Variants in XPO7 observed in about 807,000 individuals in gnomAD.
XPO7 encodes the protein exportin 7.
Under a neutral mutation model 144.3 loss-of-function variants are expected in XPO7, and 21 were observed. The observed-to-expected ratio is 0.15, with a 90% CI of 0.10 to 0.21. The LOEUF (loss-of-function observed/expected upper bound fraction) is 0.21, where lower values mean the gene tolerates loss of function less well. Among genes scored for constraint, XPO7 ranks in the 10% least tolerant of loss-of-function variants. The probability of loss-of-function intolerance (pLI) is 1.00; values close to 1 mark genes in which losing one functional copy is unlikely to be tolerated. For missense variants in XPO7, 808 were observed against 1,325.8 expected (o/e 0.61, Z 6.06); for synonymous variants, 580 against 499.6 (o/e 1.16, Z -2.15).
chr8:21,967,892 G>C lies in XPO7; in HGVS notation c.165+889G>C, dbSNP rs139186192. ...CTATCTTTGGCAAGATGGAAGTCTT[G>C]GGAAGGGTGGGATCCCCCCAGGGTC... On this transcript the variant is annotated intron_variant, in intron 2 of 27. Coordinates refer to ENST00000252512, the MANE Select transcript of XPO7 (RefSeq NM_015024.5). Among the ~76,000 whole-genome samples, 115 of 152,318 alleles carry C rather than the reference G, an allele frequency of 7.5e-4. No homozygotes were observed. The East Asian group carries it at 0.018, about 24-fold the overall frequency.
chr8:21,966,589 C>T (rs182431763), intron 1 of XPO7, among the ~76,000 whole-genome samples: 2 of 151,778 alleles, frequency 1.3e-5, no homozygotes, highest in African/African-American at 2.4e-5. Context: ...TATTTGCAAG[C>T]GGAAAAATGT....
At chr8:21,957,140 T>C (rs1347975889) in intron 1 of XPO7, among the ~76,000 whole-genome samples, 2 of 152,092 alleles carry the variant, frequency 1.3e-5, no homozygotes, top group Non-Finnish European at 2.9e-5. Context: ...CTAAAGAGTA[T>C]GTCTGCACAC....
intron 1 of XPO7, among the ~76,000 whole-genome samples, chr8:21,947,565 T>G (rs909088844): frequency 2.6e-5 from 4 of 152,138 alleles, no homozygotes; most frequent in African/African-American, 9.7e-5. Context: ...TACACAATAT[T>G]TAAGAGGTTT....
Position 21,970,175 on chromosome 8 carries a change from G to T in XPO7, c.291G>T (p.Arg97=), listed in dbSNP as rs150279997. The T allele has an allele frequency of 6.2e-7, 1 of 1,613,210 alleles. No individual in the cohort carries two copies. Among genetic ancestry groups the T allele is most frequent in the African/African-American group, 1.3e-5 (1 of 74,922 alleles). Residue 97 remains arginine, a synonymous_variant, in exon 4 of 28, where the codon CGG becomes CGT. Coordinates refer to ENST00000252512, the MANE Select transcript of XPO7 (RefSeq NM_015024.5). Reference sequence around the variant, plus strand: ...ATGTGCTCAACTACCTTGCCACTCGGCCGAAGTTGGCTACTTTCGTGACAC... The same window carrying T: ...ATGTGCTCAACTACCTTGCCACTCGTCCGAAGTTGGCTACTTTCGTGACAC... The part of the protein sequence containing the change: ...RNYVLNYLAT[R]PKLATFVTQA...
At chr8:21,992,152 A>G (rs1212641320) in intron 19 of XPO7, among the ~76,000 whole-genome samples, 178 bp downstream of exon 19, 3 of 152,168 alleles carry the variant, frequency 2.0e-5, no homozygotes, top group Non-Finnish European at 4.4e-5. Flanking sequence ...TTATATTACA[A>G]TGTATTTACT....
intron 18 of XPO7, among the ~76,000 whole-genome samples, chr8:21,991,276 C>T (rs1440976991): frequency 6.6e-6 from 1 of 152,194 alleles, no homozygotes; most frequent in East Asian, 1.9e-4. Context: ...GTCAACACCA[C>T]TTTTTATTAT....
chr8:21,938,587 T>G (rs1810892184), intron 1 of XPO7, among the ~76,000 whole-genome samples: 1 of 152,170 alleles, frequency 6.6e-6, no homozygotes, highest in Admixed American at 6.5e-5. Context: ...CATTTACATA[T>G]TAGGTTCACC....
chr8:21,959,711 C>T (rs1811659095), intron 1 of XPO7, among the ~76,000 whole-genome samples: 1 of 152,016 alleles, frequency 6.6e-6, no homozygotes, highest in Non-Finnish European at 1.5e-5. Context: ...ACTTGGAATT[C>T]TCATTCACTA....
rs2117353383 is a variant in XPO7 at position 21,980,039 on chromosome 8, T to A, written c.838-45T>A. On this transcript the variant is annotated intron_variant, in intron 8 of 27. Coordinates refer to ENST00000252512, the MANE Select transcript of XPO7 (RefSeq NM_015024.5). ...GGAACGTTTCTGGTGAAAGTAACTG[T>A]ACAGTCTTTTTAATCGTTGTGTTTG... The A allele has an allele frequency of 2.6e-6, 4 of 1,518,478 alleles. No homozygotes were observed. In the East Asian group the frequency reaches 9.9e-5, roughly 37 times the overall value. The allele number at this position is 1,518,478 out of a possible 1,614,324, so 94.1% of individuals were successfully genotyped here.
Position 21,981,868 on chromosome 8 carries a change from C to G in XPO7, c.1095C>G (p.Thr365=), listed in dbSNP as rs776431339. 6.2e-7 allele frequency: 1 copy of G among 1,613,946 alleles called. No homozygotes were observed. Among genetic ancestry groups the G allele is most frequent in the East Asian group, 2.2e-5 (1 of 44,870 alleles). ...GATTGATAGCCAACTTCACAGTGACCAGCCTACAGGTTTGTCTTTGATTAC... is the reference window on the plus strand; with the variant it reads ...GATTGATAGCCAACTTCACAGTGACGAGCCTACAGGTTTGTCTTTGATTAC... ...VIRLIANFTV[T]SLQHWEFAPN... Residue 365 remains threonine (T), a synonymous_variant, in exon 10 of 28, where the codon ACC becomes ACG. Transcript: ENST00000252512.
chr8:21,967,092 C>T, intron 2 of XPO7, 89 bp downstream of exon 2: 1 of 1,477,502 alleles, frequency 6.8e-7, no homozygotes, highest in Non-Finnish European at 9.0e-7. Flanking sequence ...GGGATGGCTT[C>T]TGTTCCCTGA....
At chr8:21,935,403 T>G (rs563260947) in intron 1 of XPO7, among the ~76,000 whole-genome samples, 1 of 152,342 alleles carries the variant, frequency 6.6e-6, no homozygotes, top group Admixed American at 6.5e-5. Context: ...AATTGGAAAT[T>G]AATTTGGACA....
Position 21,922,886 on chromosome 8 carries a change from A to G in XPO7, c.18+3098A>G, listed in dbSNP as rs116960979. ...TAGGAGAATGTACTATTTGCAAAGT[A>G]GTCATAGTTTGTTTTAAATTCCAGG... On this transcript the variant is annotated intron_variant, in intron 1 of 27. Coordinates refer to ENST00000252512, the MANE Select transcript of XPO7 (RefSeq NM_015024.5). Among the ~76,000 whole-genome samples, 2,059 of 152,272 alleles carry G rather than the reference A, an allele frequency of 0.014. 84 individuals carry two copies. In the South Asian group the frequency reaches 0.16, roughly 12 times the overall value.
intron 1 of XPO7, among the ~76,000 whole-genome samples, chr8:21,930,517 C>G (rs142840163): frequency 6.6e-6 from 1 of 152,108 alleles, no homozygotes; most frequent in Non-Finnish European, 1.5e-5. Flanking sequence ...TAAGCCAGAT[C>G]TGAAAAGGCC....
At chr8:21,975,179 C>G (rs1283209963) in intron 6 of XPO7, among the ~76,000 whole-genome samples, 2 of 152,208 alleles carry the variant, frequency 1.3e-5, no homozygotes, top group East Asian at 3.8e-4. Flanking sequence ...AAAGTAGGTT[C>G]AGACTATGTT....
intron 1 of XPO7, among the ~76,000 whole-genome samples, chr8:21,925,291 G>A (rs562067755): frequency 1.3e-5 from 2 of 152,280 alleles, no homozygotes; most frequent in South Asian, 4.1e-4. Flanking sequence ...CTTCGCACAT[G>A]TGTGCATGCA....
At chr8:21,937,166 A>C (rs1810847395) in intron 1 of XPO7, among the ~76,000 whole-genome samples, 1 of 152,258 alleles carries the variant, frequency 6.6e-6, no homozygotes, top group Non-Finnish European at 1.5e-5. Flanking sequence ...TAGATTAACG[A>C]GTAATTTATA....
At chr8:21,954,681 G>A (rs776893693) in intron 1 of XPO7, among the ~76,000 whole-genome samples, 1 of 152,094 alleles carries the variant, frequency 6.6e-6, no homozygotes, top group African/African-American at 2.4e-5. Context: ...AATGTGCACC[G>A]GCCCAACAGT....
In XPO7 at chr8:22,005,167, G is replaced by A; in HGVS notation, c.*79G>A. ...GGGGCGAACAATTGCAAGGGAGAGG[G>A]CCTGGCTGATCCTGGCTCTTTTCTC... On this transcript the variant is annotated 3_prime_UTR_variant, in exon 28 of 28. Transcript: ENST00000252512. 1.6e-6 allele frequency: 2 copies of A among 1,220,532 alleles called. No homozygotes were observed. The highest frequency in any genetic ancestry group is 2.3e-6 in the Non-Finnish European group (2 of 870,722). 75.6% of individuals were successfully genotyped at this position (1,220,532 alleles called of 1,614,324 possible).
Sources: allele counts gnomAD v4.1 joint callset (sites outside exome capture counted in the v4.1 genomes callset), GRCh38; gene constraint gnomAD v4.1.1; transcripts MANE v1.5; gene names NCBI Gene and HGNC (gene_info 2026-07-23, HGNC 2026-07-21).